The following PAFAH1B2 variants were observed in gnomAD, a reference collection of about 807,000 sequenced individuals.
PAFAH1B2 encodes platelet-activating factor acetylhydrolase IB subunit alpha2.
PAFAH1B2 carries 8 observed loss-of-function variants against 28.0 expected under a neutral mutation model. The observed-to-expected ratio is 0.29, with a 90% CI of 0.17 to 0.52. The LOEUF (loss-of-function observed/expected upper bound fraction) is 0.52. Ranked by LOEUF, PAFAH1B2 falls within the 20% of genes least tolerant of loss-of-function variation. PAFAH1B2 has a pLI of 0.97. For synonymous variants in PAFAH1B2, 104 were observed against 103.2 expected (o/e 1.01, Z -0.05); for missense variants, 190 against 282.6 (o/e 0.67, Z 2.35).
chr11:117,174,373 G>A (rs1214022148), downstream of PAFAH1B2, among the ~76,000 whole-genome samples: 2 of 151,708 alleles, frequency 1.3e-5, no homozygotes, highest in African/African-American at 2.4e-5. Context: ...TATCAGAGAC[G>A]GGGTTTCACC....
intron 1 of PAFAH1B2, among the ~76,000 whole-genome samples, chr11:117,147,307 A>G (rs1956035924): frequency 1.3e-5 from 2 of 152,178 alleles, no homozygotes. Flanking sequence ...TTTTTGAGAC[A>G]GGGTCTTGCT....
At chr11:117,151,752 G>A (rs1956156768) in intron 1 of PAFAH1B2, among the ~76,000 whole-genome samples, 1 of 151,890 alleles carries the variant, frequency 6.6e-6, no homozygotes. Flanking sequence ...CCAGGCTGGA[G>A]TGCATTGGCA....
chr11:117,167,868 A>G lies in PAFAH1B2; in HGVS notation c.*169A>G. 8.1e-7 allele frequency: 1 copy of G among 1,228,634 alleles called. No individual in the cohort carries two copies. Among genetic ancestry groups the G allele is most frequent in the Non-Finnish European group, 1.0e-6 (1 of 980,800 alleles). The allele number at this position is 1,228,634 out of a possible 1,614,324, so 76.1% of individuals were successfully genotyped here. Reference sequence around the variant, plus strand: ...GATTTAAACTGGTCCTGTACATAGAAGGTTTGTTTGACAGAGGAGAAAAAT... The same window carrying G: ...GATTTAAACTGGTCCTGTACATAGAGGGTTTGTTTGACAGAGGAGAAAAAT... On this transcript the variant is annotated 3_prime_UTR_variant, in exon 6 of 6. Transcript: ENST00000527958.
chr11:117,174,897 G>A, downstream of PAFAH1B2: 1 of 1,525,736 alleles, frequency 6.6e-7, no homozygotes, highest in South Asian at 1.2e-5. Context: ...TTACAGGCGT[G>A]AGTCACCGCA....
chr11:117,177,945 CATT>C (rs1166335310), downstream of PAFAH1B2, among the ~76,000 whole-genome samples: 2 of 152,230 alleles, frequency 1.3e-5, no homozygotes, highest in South Asian at 2.1e-4. Context: ...ACCAATCCCT[CATT>C]ATGGATATCC....
chr11:117,167,973 A>G lies in PAFAH1B2; in HGVS notation c.*274A>G, dbSNP rs2134217199. 1 of 1,098,342 alleles carries G rather than the reference A, an allele frequency of 9.1e-7. No homozygotes were observed. The highest frequency in any genetic ancestry group is 1.1e-6 in the Non-Finnish European group (1 of 901,706). 68.0% of individuals were successfully genotyped at this position (1,098,342 alleles called of 1,614,324 possible). Reference sequence around the variant, plus strand: ...GTTGTATGTGTAACACATTCATTGAATTATTATCACTGTTTTCTTGGGACA... The same window carrying G: ...GTTGTATGTGTAACACATTCATTGAGTTATTATCACTGTTTTCTTGGGACA... On this transcript the variant is annotated 3_prime_UTR_variant, in exon 6 of 6. Coordinates refer to ENST00000527958, the MANE Select transcript of PAFAH1B2 (RefSeq NM_002572.4).
chr11:117,172,915 C>T (rs1443912003), downstream of PAFAH1B2, among the ~76,000 whole-genome samples: 1 of 152,168 alleles, frequency 6.6e-6, no homozygotes, highest in Admixed American at 6.5e-5. Flanking sequence ...GTTTACCAGG[C>T]TGGTCTCGAA....
At chr11:117,175,073 C>T (rs536960483), downstream of PAFAH1B2, 1 of 1,285,724 alleles carries the variant, frequency 7.8e-7, no homozygotes, top group South Asian at 2.2e-5. Flanking sequence ...TTTCTTTGGT[C>T]CATTCAACAC....
At chr11:117,158,634 T>C (rs1039599655) in intron 2 of PAFAH1B2, among the ~76,000 whole-genome samples, 1 of 142,406 alleles carries the variant, frequency 7.0e-6, no homozygotes, top group Non-Finnish European at 1.5e-5. Context: ...GATAATAGTT[T>C]GTGGGCTTTT....
At chr11:117,153,685 C>T (rs1956203566) in intron 2 of PAFAH1B2, among the ~76,000 whole-genome samples, 1 of 152,086 alleles carries the variant, frequency 6.6e-6, no homozygotes, top group Non-Finnish European at 1.5e-5. Context: ...GCCACCATGC[C>T]CTGCTGTGTC....
At chr11:117,165,289 G>A (rs901848645) in intron 5 of PAFAH1B2, among the ~76,000 whole-genome samples, 14 of 149,242 alleles carry the variant, frequency 9.4e-5, no homozygotes, top group African/African-American at 3.2e-4. Context: ...GGTGGAGGTT[G>A]CAGTGAGCCG....
chr11:117,175,612 G>A, downstream of PAFAH1B2: 2 of 1,217,850 alleles, frequency 1.6e-6, no homozygotes, highest in Non-Finnish European at 2.1e-6. Flanking sequence ...CAGTTGTTTG[G>A]TTCCAGAGCA....
chr11:117,174,293 C>T (rs1956733884), downstream of PAFAH1B2, among the ~76,000 whole-genome samples: 1 of 151,624 alleles, frequency 6.6e-6, no homozygotes, highest in African/African-American at 2.4e-5. Flanking sequence ...AAGTGATTCT[C>T]CTGCCTCAGC....
At chr11:117,150,643 G>T (rs578052996) in intron 1 of PAFAH1B2, among the ~76,000 whole-genome samples, 7 of 152,236 alleles carry the variant, frequency 4.6e-5, no homozygotes, top group Admixed American at 1.3e-4. Flanking sequence ...AATGTAGTGT[G>T]TTTTGTGTAC....
intron 4 of PAFAH1B2, among the ~76,000 whole-genome samples, chr11:117,161,833 A>G (rs577417649): frequency 6.6e-6 from 1 of 152,120 alleles, no homozygotes; most frequent in East Asian, 1.9e-4. Flanking sequence ...GATGCTAACG[A>G]GGTATGCTAT....
rs532559350 is a variant in PAFAH1B2, at chr11:117,168,852, G to A, written c.*1153G>A. 2.2e-4 allele frequency: 140 copies of A among 636,894 alleles called. No individual in the cohort carries two copies. Among genetic ancestry groups the A allele is most frequent in the Non-Finnish European group, 2.5e-4 (125 of 498,394 alleles). The allele number at this position is 636,894 out of a possible 1,614,324, so 39.5% of individuals were successfully genotyped here. A position where few individuals can be genotyped will look rare whatever the true frequency, so the allele number is the denominator to read the frequency against. On this transcript the variant is annotated 3_prime_UTR_variant, in exon 6 of 6. Transcript: ENST00000527958. Reference sequence around the variant, plus strand: ...GTTGCCCAGGCTGGGGTGCAATGGTGTGATCTTGGCTCACTGCAGCCTCCA... The same window carrying A: ...GTTGCCCAGGCTGGGGTGCAATGGTATGATCTTGGCTCACTGCAGCCTCCA...
chr11:117,149,685 G>A (rs1956103974), intron 1 of PAFAH1B2, among the ~76,000 whole-genome samples: 1 of 151,726 alleles, frequency 6.6e-6, no homozygotes, highest in Middle Eastern at 3.4e-3. Flanking sequence ...GCCTGCCTCG[G>A]CCTCCCAAAG....
rs918695591 is a variant in PAFAH1B2 at position 117,168,535 on chromosome 11, A to T, written c.*836A>T. 2 of 1,029,934 alleles carry T rather than the reference A, an allele frequency of 1.9e-6. No homozygotes were observed. Among genetic ancestry groups the T allele is most frequent in the Admixed American group, 6.6e-5 (1 of 15,058 alleles). The allele number at this position is 1,029,934 out of a possible 1,614,324, so 63.8% of individuals were successfully genotyped here. On this transcript the variant is annotated 3_prime_UTR_variant, in exon 6 of 6. Coordinates refer to ENST00000527958, the MANE Select transcript of PAFAH1B2 (RefSeq NM_002572.4). ...ACCTAGGAGCCCTGTTGCTGGAAGT[A>T]TAGTCTCCAGCCAGTTACTCTCATG...
In PAFAH1B2 at chr11:117,156,485, C is replaced by T. The variant is rs75712142; in HGVS notation, c.82-3449C>T. 5.2e-3 allele frequency among the ~76,000 whole-genome samples: 795 copies of T among 152,100 alleles called. 11 individuals carry two copies. The highest frequency in any genetic ancestry group is 0.018 in the African/African-American group (731 of 41,458). Reference sequence around the variant, plus strand: ...ACATATAGTGCCAGAAAGAGGTGTCCATGATGCTTAAACTATGTAAAAGGG... The same window carrying T: ...ACATATAGTGCCAGAAAGAGGTGTCTATGATGCTTAAACTATGTAAAAGGG... On this transcript the variant is annotated intron_variant, in intron 2 of 5. Transcript: ENST00000527958.
Sources: allele counts gnomAD v4.1 joint callset (sites outside exome capture counted in the v4.1 genomes callset), GRCh38; gene constraint gnomAD v4.1.1; transcripts MANE v1.5; gene names NCBI Gene and HGNC (gene_info 2026-07-23, HGNC 2026-07-21).